GIN1: variants seen among roughly 807,000 people sequenced by gnomAD.
GIN1 encodes gypsy retrotransposon integrase-like protein 1.
Under a neutral mutation model 51.4 loss-of-function variants are expected in GIN1, and 41 were observed. The observed-to-expected ratio is 0.80, with a 90% CI of 0.62 to 1.04. The LOEUF is 1.04. Among genes scored for constraint, GIN1 ranks in the 50% least tolerant of loss-of-function variants. The probability of loss-of-function intolerance (pLI) is 0.00; values close to 1 mark genes in which losing one functional copy is unlikely to be tolerated. For synonymous variants in GIN1, 222 were observed against 206.5 expected, an observed-to-expected ratio of 1.07 and a Z score of -0.64; for missense variants, 610 against 612.4, an observed-to-expected ratio of 1.00 and a Z score of 0.04.
intron 7 of GIN1, among the ~76,000 whole-genome samples, chr5:103,092,945 CAAAAAAAAA>C (rs5870040): frequency 3.3e-5 from 2 of 60,476 alleles, no homozygotes; most frequent in Non-Finnish European, 5.7e-5. Context: ...GAACCTGTCT[CAAAAAAAAA>C]AAAAAAAAAA....
intron 7 of GIN1, among the ~76,000 whole-genome samples, chr5:103,094,240 G>A (rs1222324781): frequency 2.6e-5 from 4 of 151,918 alleles, no homozygotes; most frequent in Admixed American, 2.6e-4. Flanking sequence ...GGAAAAAGAT[G>A]GCAGAAATCA....
intron 1 of GIN1, among the ~76,000 whole-genome samples, chr5:103,113,502 C>T (rs2151476817): frequency 6.6e-6 from 1 of 151,482 alleles, no homozygotes; most frequent in South Asian, 2.1e-4. Context: ...GATCAAGTCA[C>T]CTCCTCAAAG....
chr5:103,104,181 G>A lies in GIN1; in HGVS notation c.639+360C>T, dbSNP rs782419395. On this transcript the variant is annotated intron_variant, in intron 4 of 7. Transcript: ENST00000399004. Reference sequence around the variant, plus strand: ...ATTGCCCAGGTGGTCTCGAACTCCTGAGCTCAAGTGATCCACCCACCTCAG... The same window carrying A: ...ATTGCCCAGGTGGTCTCGAACTCCTAAGCTCAAGTGATCCACCCACCTCAG... 5.4e-4 allele frequency among the ~76,000 whole-genome samples: 82 copies of A among 152,022 alleles called. 1 individual carries two copies. The highest frequency in any genetic ancestry group is 8.2e-4 in the Non-Finnish European group (56 of 67,998).
rs1468386606 is a variant in GIN1 at position 103,087,478 on chromosome 5, A to G, written c.*420T>C. 6.5e-6 allele frequency: 1 copy of G among 152,834 alleles called. No individual in the cohort carries two copies. The highest frequency in any genetic ancestry group is 2.4e-5 in the African/African-American group (1 of 41,490). 9.5% of individuals were successfully genotyped at this position (152,834 alleles called of 1,614,324 possible). A position where few individuals can be genotyped will look rare whatever the true frequency, so the allele number is the denominator to read the frequency against. On this transcript the variant is annotated 3_prime_UTR_variant, in exon 8 of 8. Coordinates refer to ENST00000399004, the MANE Select transcript of GIN1 (RefSeq NM_017676.2). ...TTCTAATGAAACAGAAAGAAGCTTC[A>G]TTTCATTCATTGTTACAGTTGATTC...
Position 103,106,734 on chromosome 5 carries a change from G to T in GIN1, c.315C>A (p.Thr105=), listed in dbSNP as rs1453880198. 2 of 1,589,942 alleles carry T rather than the reference G, an allele frequency of 1.3e-6. No individual in the cohort carries two copies. The highest frequency in any genetic ancestry group is 2.7e-5 in the African/African-American group (2 of 73,756). Residue 105 remains threonine, a synonymous_variant, in exon 3 of 8, where the codon ACC becomes ACA. Coordinates refer to ENST00000399004, the MANE Select transcript of GIN1 (RefSeq NM_017676.2). The stretch of plus-strand genomic sequence containing the variant: ...GCCATACCCACTGTTTGACATCATT[G>T]GTCACAGATGTCCAATAATAATTGG... ...VESNYYWTSV[T]NDVKQWVYAC... is the part of the protein sequence containing the mutation.
In GIN1 at chr5:103,106,898, A is replaced by G. The variant is rs1251481552; in HGVS notation, c.151T>C (p.Phe51Leu). The change falls in exon 3 of 8, where the codon TTT becomes CTT. Residue 51 changes from phenylalanine (F) to leucine (L), a missense_variant. Physicochemically the swap from Phe to Leu is conservative, Grantham distance 22. Transcript: ENST00000399004. Reference sequence around the variant, plus strand: ...TGTTTTCTGTCTTTTCCAACATAAAACAGCTTTTTTTCTGGAATAAATGAT... The same window carrying G: ...TGTTTTCTGTCTTTTCCAACATAAAGCAGCTTTTTTTCTGGAATAAATGAT... Reference protein sequence around the residue: ...KKFVFKEKKLFYVGKDRKQNR... With the variant: ...KKFVFKEKKLLYVGKDRKQNR... The G allele has an allele frequency of 4.5e-6, 7 of 1,559,424 alleles. No homozygotes were observed. The highest frequency in any genetic ancestry group is 6.1e-6 in the Non-Finnish European group (7 of 1,152,748).
At chr5:103,090,883 A>T (rs1362187270) in intron 7 of GIN1, among the ~76,000 whole-genome samples, 4 of 150,256 alleles carry the variant, frequency 2.7e-5, no homozygotes, top group African/African-American at 9.8e-5. Context: ...GTATGTAAGT[A>T]AAATAAGTCA....
Position 103,104,652 on chromosome 5 carries a change from A to C in GIN1, c.528T>G (p.Pro176=). Residue 176 remains proline (P), a synonymous_variant, in exon 4 of 8, where the codon CCT becomes CCG. Transcript: ENST00000399004. Reference sequence around the variant, plus strand: ...CTTCTGATGCTGAAACATCACATAGAGGCAAAATCACAATCCATTTGGTGA... The same window carrying C: ...CTTCTGATGCTGAAACATCACATAGCGGCAAAATCACAATCCATTTGGTGA... The part of the protein sequence containing the change: ...DLFTKWIVIL[P]LCDVSASEVS... 6.2e-7 allele frequency: 1 copy of C among 1,608,436 alleles called. No homozygotes were observed. Among genetic ancestry groups the C allele is most frequent in the Non-Finnish European group, 8.5e-7 (1 of 1,174,814 alleles).
intron 7 of GIN1, among the ~76,000 whole-genome samples, 199 bp from the exon 8 acceptor site, chr5:103,088,371 TAAAC>T (rs1407246605): frequency 5.3e-5 from 8 of 152,184 alleles, no homozygotes; most frequent in Admixed American, 4.6e-4. Context: ...AGTTCATACA[TAAAC>T]AATGCAGGAA....
At chr5:103,110,492 G>A (rs1439789385) in intron 1 of GIN1, among the ~76,000 whole-genome samples, 1 of 152,154 alleles carries the variant, frequency 6.6e-6, no homozygotes, top group Non-Finnish European at 1.5e-5. Context: ...GTGAAAATGT[G>A]CTCAACATCA....
At chr5:103,088,194 A>G in intron 7 of GIN1, 22 bp from the exon 8 acceptor site, 1 of 1,391,534 alleles carries the variant, frequency 7.2e-7, no homozygotes, top group East Asian at 2.5e-5. Flanking sequence ...AAAATCATAC[A>G]TTTGACTTTT....
chr5:103,107,339 A>AT lies in GIN1; in HGVS notation c.140-431dup, dbSNP rs3214439. Among the ~76,000 whole-genome samples, 5 of 151,950 alleles carry AT rather than the reference A, an allele frequency of 3.3e-5. No homozygotes were observed. The East Asian group carries it at 7.8e-4, about 24-fold the overall frequency. On this transcript the variant is annotated intron_variant, in intron 2 of 7. Coordinates refer to ENST00000399004, the MANE Select transcript of GIN1 (RefSeq NM_017676.2). ...TAAAATAATGTTTTATCATCACTGT[A>AT]TTTTTGCAAGCAAACAGCTCTCTCA...
Position 103,106,720 on chromosome 5 carries a change from T to C in GIN1, c.329A>G (p.Gln110Arg), listed in dbSNP as rs1787735151. The C allele has an allele frequency of 6.4e-7, 1 of 1,563,662 alleles. No individual in the cohort carries two copies. Among genetic ancestry groups the C allele is most frequent in the Non-Finnish European group, 8.7e-7 (1 of 1,145,506 alleles). Residue 110 changes from glutamine (Q) to arginine (R), a missense_variant, in exon 3 of 8, where the codon CAG (glutamine) becomes CGG (arginine). Transcript: ENST00000399004. ...CTCTAAATACATAAGCCATACCCAC[T>C]GTTTGACATCATTGGTCACAGATGT... is the stretch of plus-strand genomic sequence containing the variant. The part of the protein sequence containing the change: ...YWTSVTNDVK[Q>R]WVYACQHCQV...
At chr5:103,099,522 G>T (rs529724646) in intron 4 of GIN1, among the ~76,000 whole-genome samples, 10 of 152,072 alleles carry the variant, frequency 6.6e-5, no homozygotes, top group African/African-American at 2.4e-4. Context: ...GTGTCATTTG[G>T]GTCAGCTTCA....
Position 103,087,718 on chromosome 5 carries a change from ATGTACG to A in GIN1, c.*174_*179del, listed in dbSNP as rs1554194031. 1.7e-5 allele frequency: 7 copies of A among 403,876 alleles called. No homozygotes were observed. Among genetic ancestry groups the A allele is most frequent in the Non-Finnish European group, 2.6e-5 (6 of 230,332 alleles). 25.0% of individuals were successfully genotyped at this position (403,876 alleles called of 1,614,324 possible). On this transcript the variant is annotated 3_prime_UTR_variant, in exon 8 of 8. Coordinates refer to ENST00000399004, the MANE Select transcript of GIN1 (RefSeq NM_017676.2). ...TATTACATGCTTCCTTTGCCTTCATATGTACGTATACTGATATTCAAATGTGGCATA... is the reference window on the plus strand; with the variant it reads ...TATTACATGCTTCCTTTGCCTTCATATATACTGATATTCAAATGTGGCATA...
intron 4 of GIN1, among the ~76,000 whole-genome samples, chr5:103,101,226 AG>A (rs1191402398): frequency 6.6e-6 from 1 of 152,230 alleles, no homozygotes; most frequent in Non-Finnish European, 1.5e-5. Flanking sequence ...TAACCAAGAC[AG>A]CTATGAAGTG....
intron 1 of GIN1, among the ~76,000 whole-genome samples, chr5:103,110,942 A>G (rs782364281): frequency 6.6e-5 from 10 of 152,052 alleles, no homozygotes; most frequent in Non-Finnish European, 1.3e-4. Flanking sequence ...GTGGTGAAAC[A>G]CTAGTGGCAC....
In GIN1 at chr5:103,104,733, C is replaced by T; in HGVS notation, c.447G>A (p.Gly149=). 6 of 1,610,558 alleles carry T rather than the reference C, an allele frequency of 3.7e-6. No homozygotes were observed. The highest frequency in any genetic ancestry group is 5.1e-6 in the Non-Finnish European group (6 of 1,176,898). ...GACTTCTGTTGCTTGTATGAAAAGG[C>T]CCCATCAGATCAACAGTAACTAAAC... ...PWSLVTVDLM[G]PFHTSNRSHV... is the part of the protein sequence containing the mutation. The change falls in exon 4 of 8, where the codon GGG becomes GGA. Residue 149 remains glycine (G), a synonymous_variant. Transcript: ENST00000399004.
chr5:103,093,492 T>C (rs1480051702), intron 7 of GIN1, among the ~76,000 whole-genome samples: 1 of 152,216 alleles, frequency 6.6e-6, no homozygotes, highest in Non-Finnish European at 1.5e-5. Context: ...AATACCTTGA[T>C]TTTAGCCCAG....
Sources: allele counts gnomAD v4.1 joint callset (sites outside exome capture counted in the v4.1 genomes callset), GRCh38; gene constraint gnomAD v4.1.1; transcripts MANE v1.5; gene names NCBI Gene and HGNC (gene_info 2026-07-23, HGNC 2026-07-21).